TRUB2: variants seen among roughly 807,000 people sequenced by gnomAD.
TRUB2 encodes pseudouridylate synthase TRUB2, mitochondrial.
In TRUB2, 31 loss-of-function variants were observed where a neutral mutation model predicts 31.9. The observed-to-expected ratio is 0.97, with a 90% CI of 0.73 to 1.31. The LOEUF is 1.31. Among genes scored for constraint, TRUB2 ranks in the 50% most tolerant of loss-of-function variants. The probability of loss-of-function intolerance (pLI) is 0.00; values close to 1 mark genes in which losing one functional copy is unlikely to be tolerated. For missense variants in TRUB2, 451 were observed against 439.6 expected (o/e 1.03, Z -0.23); for synonymous variants, 201 against 182.6 (o/e 1.10, Z -0.81).
At position 128,306,821 on chromosome 9, in the gene TRUB2, C is replaced by T. The variant is rs1831874723; in HGVS notation, c.*2729G>A. 1 of 152,082 alleles carries T rather than the reference C, an allele frequency of 6.6e-6. No homozygotes were observed. Among genetic ancestry groups the T allele is most frequent in the Non-Finnish European group, 1.5e-5 (1 of 68,036 alleles). 9.4% of individuals were successfully genotyped at this position (152,082 alleles called of 1,614,324 possible). On this transcript the variant is annotated 3_prime_UTR_variant, in exon 8 of 8. Coordinates refer to ENST00000372890, the MANE Select transcript of TRUB2 (RefSeq NM_015679.3). ...CACAATCTCAGCTAATGGCAATCTC[C>T]ACCTCCTGGGCTTCAGCGATTCTTG...
At chr9:128,313,745 G>T in intron 5 of TRUB2, 63 bp downstream of exon 5, 1 of 1,474,514 alleles carries the variant, frequency 6.8e-7, no homozygotes, top group Non-Finnish European at 9.5e-7. Flanking sequence ...GGCCTAGGGC[G>T]GGGAGAGGAC....
At position 128,322,394 on chromosome 9, in the gene TRUB2, G is replaced by A. The variant is rs563966688; in HGVS notation, c.15C>T (p.Gly5=). 3.7e-6 allele frequency: 6 copies of A among 1,614,130 alleles called. No individual in the cohort carries two copies. The East Asian group carries it at 1.3e-4, about 36-fold the overall frequency. The part of the protein sequence containing the change: MGSA[G]LSRLHGLFAV... The stretch of plus-strand genomic sequence containing the variant: ...CGAAAAGCCCATGCAGCCGCGACAA[G>A]CCAGCAGACCCCATACTTGAAGATC... The change falls in exon 1 of 8, where the codon GGC becomes GGT. Residue 5 remains glycine, a synonymous_variant. Coordinates refer to ENST00000372890, the MANE Select transcript of TRUB2 (RefSeq NM_015679.3).
chr9:128,309,826 A>G lies in TRUB2; in HGVS notation c.720T>C (p.His240=), dbSNP rs776722500. 3.7e-6 allele frequency: 6 copies of G among 1,614,248 alleles called. No homozygotes were observed. The South Asian group carries it at 4.4e-5, about 12-fold the overall frequency. Residue 240 remains histidine (H), a synonymous_variant, in exon 8 of 8, where the codon CAT becomes CAC. Transcript: ENST00000372890. ...TGGTCTTTAGTTCCAGGCCGATTTC[A>G]TGAACCAACTTCCGCAGCTCTTTCT... The part of the protein sequence containing the change: ...ETQKELRKLV[H]EIGLELKTTA...
Position 128,321,596 on chromosome 9 carries a change from T to C in TRUB2, c.241+3A>G, listed in dbSNP as rs764638896. 43 of 1,614,022 alleles carry C rather than the reference T, an allele frequency of 2.7e-5. No individual in the cohort carries two copies. The South Asian group carries it at 4.6e-4, about 17-fold the overall frequency. On this transcript the variant is annotated splice_donor_region_variant and intron_variant, in intron 2 of 7. Coordinates refer to ENST00000372890, the MANE Select transcript of TRUB2 (RefSeq NM_015679.3). ...CACAGGATCCTGCTTAAATCTGCCT[T>C]ACCCAGTGGATGGTTGATGAAAGAG... is the stretch of plus-strand genomic sequence containing the variant.
At position 128,312,389 on chromosome 9, in the gene TRUB2, T is replaced by G. The variant is rs574579987; in HGVS notation, c.461-788A>C. ...CTGACATCAGGCAATCCACCTGCCT[T>G]GGCCTCCCAAAGTGCTGGGATTACA... On this transcript the variant is annotated intron_variant, in intron 5 of 7. Coordinates refer to ENST00000372890, the MANE Select transcript of TRUB2 (RefSeq NM_015679.3). Among the ~76,000 whole-genome samples, 245 of 150,916 alleles carry G rather than the reference T, an allele frequency of 1.6e-3. 1 individual carries two copies. The highest frequency in any genetic ancestry group is 5.8e-3 in the African/African-American group (237 of 41,120).
In TRUB2 at chr9:128,322,356, G is replaced by A; in HGVS notation, c.53C>T (p.Pro18Leu). 6.2e-7 allele frequency: 1 copy of A among 1,614,138 alleles called. No individual in the cohort carries two copies. The highest frequency in any genetic ancestry group is 8.5e-7 in the Non-Finnish European group (1 of 1,180,030). ...RLHGLFAVYK[P>L]PGLKWKHLRD... ...CAGGTGCTTCCATTTTAGCCCCGGG[G>A]GCTTATAGACCGCGAAAAGCCCATG... Residue 18 changes from proline to leucine, a missense_variant, in exon 1 of 8, where the codon CCC becomes CTC. Transcript: ENST00000372890.
At chr9:128,318,946 C>T (rs1377207646) in intron 2 of TRUB2, among the ~76,000 whole-genome samples, 6 of 151,996 alleles carry the variant, frequency 3.9e-5, no homozygotes, top group Non-Finnish European at 7.4e-5. Context: ...CTTTGAGACG[C>T]CGAGGCAGGC....
At position 128,308,571 on chromosome 9, in the gene TRUB2, G is replaced by A. The variant is rs1831906524; in HGVS notation, c.*979C>T. On this transcript the variant is annotated 3_prime_UTR_variant, in exon 8 of 8. Transcript: ENST00000372890. ...AAAAAAATGATTAACATTTCAATCA[G>A]TCAATGGGTAGACTTTGAGTCACGC... The A allele has an allele frequency of 6.6e-6, 1 of 151,780 alleles. No individual in the cohort carries two copies. Among genetic ancestry groups the A allele is most frequent in the Non-Finnish European group, 1.5e-5 (1 of 68,002 alleles). The allele number at this position is 151,780 out of a possible 1,614,324, so 9.4% of individuals were successfully genotyped here. A position where few individuals can be genotyped will look rare whatever the true frequency, so the allele number is the denominator to read the frequency against.
At chr9:128,310,773 G>T (rs1831953537) in intron 7 of TRUB2, 114 bp downstream of exon 7, 1 of 1,436,488 alleles carries the variant, frequency 7.0e-7, no homozygotes, top group Non-Finnish European at 9.6e-7. Flanking sequence ...ATCAGGGCCG[G>T]CGTGTGCTGG....
At chr9:128,310,011 A>T (rs1831941267) in intron 7 of TRUB2, 136 bp from the exon 8 acceptor site, 1 of 970,740 alleles carries the variant, frequency 1.0e-6, no homozygotes, top group East Asian at 2.6e-5. Flanking sequence ...AGGTTGTGCT[A>T]TTCAGAGGAC....
intron 6 of TRUB2, 131 bp from the exon 7 acceptor site, chr9:128,311,154 C>T: frequency 1.8e-5 from 23 of 1,256,812 alleles, no homozygotes; most frequent in Non-Finnish European, 2.4e-5. Context: ...CCTTTCCTGC[C>T]CTCCTTCATC....
chr9:128,309,446 C>A lies in TRUB2; in HGVS notation c.*104G>T, dbSNP rs78278964. On this transcript the variant is annotated 3_prime_UTR_variant, in exon 8 of 8. Transcript: ENST00000372890. ...GTTACAGCTTGAGTTTTGTGTCTTA[C>A]GTAGAAAAGGTGCCCCTGCTCTCAC... 7.8e-7 allele frequency: 1 copy of A among 1,274,586 alleles called. No individual in the cohort carries two copies. The allele number at this position is 1,274,586 out of a possible 1,614,324, so 79.0% of individuals were successfully genotyped here. A position where few individuals can be genotyped will look rare whatever the true frequency, so the allele number is the denominator to read the frequency against.
chr9:128,308,005 G>C lies in TRUB2; in HGVS notation c.*1545C>G, dbSNP rs562011511. On this transcript the variant is annotated 3_prime_UTR_variant, in exon 8 of 8. Coordinates refer to ENST00000372890, the MANE Select transcript of TRUB2 (RefSeq NM_015679.3). ...AGCGCTCTGGGAGGCTGAGGTGGGCGGATCACCTGAGGTCAGGAGTTCCAG... is the reference window on the plus strand; with the variant it reads ...AGCGCTCTGGGAGGCTGAGGTGGGCCGATCACCTGAGGTCAGGAGTTCCAG... The C allele has an allele frequency of 2.4e-4, 36 of 151,640 alleles. No homozygotes were observed. The highest frequency in any genetic ancestry group is 3.4e-3 in the Middle Eastern group (1 of 292). The allele number at this position is 151,640 out of a possible 1,614,324, so 9.4% of individuals were successfully genotyped here.
intron 2 of TRUB2, among the ~76,000 whole-genome samples, chr9:128,320,924 G>A (rs1186567705): frequency 6.6e-6 from 1 of 152,060 alleles, no homozygotes; most frequent in East Asian, 1.9e-4. Context: ...GAGCAACTGG[G>A]ACTACAGGCG....
At chr9:128,317,351 C>G (rs558341760) in intron 2 of TRUB2, 125 bp from the exon 3 acceptor site, 1 of 826,072 alleles carries the variant, frequency 1.2e-6, no homozygotes, top group African/African-American at 1.7e-5. Flanking sequence ...AGGCCAGACT[C>G]TCAGGCTTCC....
rs561577593 is a variant in TRUB2 at position 128,319,241 on chromosome 9, G to T, written c.242-2015C>A. ...CTCGGGAGGCTGAGGCAGGAGAATG[G>T]CGTGAACCCAGGAGGAGAAGCTTGC... is the stretch of plus-strand genomic sequence containing the variant. On this transcript the variant is annotated intron_variant, in intron 2 of 7. Transcript: ENST00000372890. Among the ~76,000 whole-genome samples, 7 of 151,938 alleles carry T rather than the reference G, an allele frequency of 4.6e-5. No individual in the cohort carries two copies. In the East Asian group the frequency reaches 1.4e-3, roughly 30 times the overall value.
intron 7 of TRUB2, among the ~76,000 whole-genome samples, chr9:128,310,591 A>G (rs1831950380): frequency 1.3e-5 from 2 of 151,872 alleles, no homozygotes; most frequent in Admixed American, 6.6e-5. Flanking sequence ...AGCTTCAAAC[A>G]TGGGCAGCTC....
At chr9:128,322,067 C>T (rs960819183) in intron 1 of TRUB2, among the ~76,000 whole-genome samples, 5 of 152,206 alleles carry the variant, frequency 3.3e-5, no homozygotes, top group Admixed American at 3.3e-4. Context: ...CAGGCGGATT[C>T]AAACAGACTC....
intron 3 of TRUB2, chr9:128,316,224 CAAA>C (rs561487217): frequency 9.0e-5 from 5 of 55,620 alleles, no homozygotes; most frequent in Admixed American, 4.1e-4. Context: ...CTCCGTCTCA[CAAA>C]AAAAAAAAAA....
Sources: gnomAD v4.1 joint callset for allele counts (sites outside exome capture counted in the v4.1 genomes callset) on GRCh38, gnomAD v4.1.1 for gene constraint, MANE v1.5 for transcripts, NCBI Gene and HGNC (gene_info 2026-07-23, HGNC 2026-07-21) for gene names.